The following SLC2A13 variants were observed in gnomAD, a reference collection of about 807,000 sequenced individuals.
SLC2A13 encodes solute carrier family 2 member 13, also known as proton myo-inositol cotransporter.
Under a neutral mutation model 64.4 loss-of-function variants are expected in SLC2A13, and 32 were observed. The ratio of observed to expected loss-of-function variants is 0.50; its 90% CI spans 0.37 to 0.67. The LOEUF (loss-of-function observed/expected upper bound fraction) is 0.67. Ranked by LOEUF, SLC2A13 falls within the 30% of genes least tolerant of loss-of-function variation. The pLI, the probability that SLC2A13 is intolerant of heterozygous loss-of-function variation, is 0.00. For missense variants in SLC2A13, 743 were observed against 829.2 expected, an observed-to-expected ratio of 0.90 and a Z score of 1.28; for synonymous variants, 338 against 327.1, an observed-to-expected ratio of 1.03 and a Z score of -0.36.
chr12:40,074,146 T>C (rs951818036), intron 1 of SLC2A13, among the ~76,000 whole-genome samples: 1 of 145,272 alleles, frequency 6.9e-6, no homozygotes, highest in African/African-American at 2.5e-5. Context: ...ATGTCCAGTC[T>C]ATTAAAGCCC....
intron 7 of SLC2A13, among the ~76,000 whole-genome samples, chr12:39,773,922 AC>A (rs1247391482): frequency 2.0e-5 from 3 of 152,182 alleles, no homozygotes; most frequent in Admixed American, 1.3e-4. Flanking sequence ...GGCTTACTGC[AC>A]AAGCTTGCTA....
At chr12:40,087,542 G>A (rs928743555) in intron 1 of SLC2A13, among the ~76,000 whole-genome samples, 2 of 152,076 alleles carry the variant, frequency 1.3e-5, no homozygotes, top group East Asian at 3.9e-4. Flanking sequence ...ACATTCTTCT[G>A]TTCATTCTCC....
intron 3 of SLC2A13, among the ~76,000 whole-genome samples, chr12:39,972,499 C>A (rs1285693222): frequency 6.6e-6 from 1 of 152,142 alleles, no homozygotes; most frequent in African/African-American, 2.4e-5. Flanking sequence ...TGGCCCATAT[C>A]ATCTGCCATC....
intron 5 of SLC2A13, among the ~76,000 whole-genome samples, chr12:39,871,442 T>C (rs567792791): frequency 6.6e-6 from 1 of 151,896 alleles, no homozygotes; most frequent in Admixed American, 6.6e-5. Context: ...TGTTAAAAAG[T>C]GAGTTTCTGA....
intron 3 of SLC2A13, among the ~76,000 whole-genome samples, chr12:39,993,677 T>C (rs540964662): frequency 2.6e-5 from 4 of 152,346 alleles, no homozygotes; most frequent in Non-Finnish European, 4.4e-5. Flanking sequence ...AAAAACATAA[T>C]TGAGATACAA....
chr12:39,870,918 A>G (rs1338682997), intron 5 of SLC2A13, among the ~76,000 whole-genome samples: 1 of 152,202 alleles, frequency 6.6e-6, no homozygotes. Context: ...AAACAGTTCT[A>G]TTAGATCAAT....
intron 7 of SLC2A13, among the ~76,000 whole-genome samples, chr12:39,769,496 ATTTTTCTC>A (rs1227241140): frequency 6.6e-6 from 1 of 151,202 alleles, no homozygotes; most frequent in Non-Finnish European, 1.5e-5. Context: ...ACTTTTCTAT[ATTTTTCTC>A]TCAATATTTG....
At chr12:39,938,469 T>C (rs1204100812) in intron 4 of SLC2A13, among the ~76,000 whole-genome samples, 1 of 149,314 alleles carries the variant, frequency 6.7e-6, no homozygotes, top group Non-Finnish European at 1.5e-5. Context: ...GGGATTTGAA[T>C]GTACAGCAAT....
chr12:40,105,490 G>A lies in SLC2A13; in HGVS notation c.319C>T (p.Leu107=), dbSNP rs370310828. Residue 107 remains leucine (L), a synonymous_variant, in exon 1 of 10, where the codon CTG becomes TTG. Coordinates refer to ENST00000280871, the MANE Select transcript of SLC2A13 (RefSeq NM_052885.4). This position sits in a 1 kb window ranked among gnomAD's most constrained non-coding sequence, Gnocchi z 4.2. ...AGACTGAGCTGCCGCTTGAGCAGCA[G>A]CATGGCCCCTGACACCACCCCGGTG... ...YDTGVVSGAM[L]LLKRQLSLDA... 2.5e-6 allele frequency: 4 copies of A among 1,574,916 alleles called. No homozygotes were observed. Among genetic ancestry groups the A allele is most frequent in the South Asian group, 1.2e-5 (1 of 86,344 alleles).
chr12:39,921,787 T>A (rs1054825336), intron 4 of SLC2A13, among the ~76,000 whole-genome samples: 2 of 152,160 alleles, frequency 1.3e-5, no homozygotes, highest in Non-Finnish European at 2.9e-5. Flanking sequence ...TACTACATTA[T>A]AGTTTAGAAT....
intron 3 of SLC2A13, among the ~76,000 whole-genome samples, chr12:39,974,517 C>T (rs1289667153): frequency 6.6e-6 from 1 of 152,212 alleles, no homozygotes; most frequent in East Asian, 1.9e-4. Context: ...TTACTGGGTT[C>T]TGATATTTAC....
chr12:39,763,830 T>A (rs1940251456), intron 9 of SLC2A13, among the ~76,000 whole-genome samples: 1 of 152,108 alleles, frequency 6.6e-6, no homozygotes, highest in African/African-American at 2.4e-5. Context: ...CACTAAGCAC[T>A]ATTGTTTTTC....
chr12:39,812,400 TTCTTC>T (rs1942201597), intron 7 of SLC2A13, among the ~76,000 whole-genome samples: 4 of 146,050 alleles, frequency 2.7e-5, no homozygotes, highest in Admixed American at 1.4e-4. Flanking sequence ...CTCTCTCTCT[TTCTTC>T]CTTCCTTCCT....
At chr12:39,931,040 T>A (rs576241754) in intron 4 of SLC2A13, among the ~76,000 whole-genome samples, 3 of 152,348 alleles carry the variant, frequency 2.0e-5, no homozygotes, top group East Asian at 3.9e-4. Flanking sequence ...AATATGTTAA[T>A]AAATACTGAA....
intron 4 of SLC2A13, among the ~76,000 whole-genome samples, chr12:39,897,652 T>C (rs1592260650): frequency 1.3e-5 from 2 of 152,166 alleles, no homozygotes; most frequent in South Asian, 4.1e-4. Context: ...AGAAGGTGAA[T>C]TTTTTATTTT....
intron 4 of SLC2A13, among the ~76,000 whole-genome samples, chr12:39,945,147 TG>T (rs1946112809): frequency 6.6e-6 from 1 of 152,206 alleles, no homozygotes; most frequent in South Asian, 2.1e-4. Context: ...ACAAAATTCT[TG>T]GCTGATAATT....
intron 7 of SLC2A13, among the ~76,000 whole-genome samples, chr12:39,807,338 T>G (rs1368930714): frequency 6.6e-6 from 1 of 152,130 alleles, no homozygotes; most frequent in South Asian, 2.1e-4. Flanking sequence ...TACACACACA[T>G]GCATAAGTAA....
intron 6 of SLC2A13, among the ~76,000 whole-genome samples, chr12:39,843,047 G>A (rs996535659): frequency 3.6e-4 from 55 of 151,452 alleles, no homozygotes; most frequent in East Asian, 1.4e-3. Context: ...ACGTTTTTTC[G>A]CTGTTTTATA....
chr12:40,089,178 T>A (rs939152786), intron 1 of SLC2A13, among the ~76,000 whole-genome samples: 3 of 152,046 alleles, frequency 2.0e-5, no homozygotes, highest in Admixed American at 1.3e-4. Flanking sequence ...GCTTTCAGAG[T>A]GGTCATCTCC....
Sources: gnomAD v4.1 joint callset for allele counts (sites outside exome capture counted in the v4.1 genomes callset) on GRCh38, gnomAD v4.1.1 for gene constraint, Gnocchi (gnomAD v3.1) non-coding constraint, MANE v1.5 for transcripts, NCBI Gene and HGNC (gene_info 2026-07-23, HGNC 2026-07-21) for gene names.